The following DLGAP1 variants were observed in gnomAD, a reference collection of about 807,000 sequenced individuals.
The protein encoded by DLGAP1 is disks large-associated protein 1.
Under a neutral mutation model 90.8 loss-of-function variants are expected in DLGAP1, and 11 were observed. The ratio of observed to expected loss-of-function variants is 0.12; its 90% CI spans 0.08 to 0.20. The LOEUF is 0.20. DLGAP1 is among the 10% of genes least tolerant of loss of function. DLGAP1 has a pLI of 1.00. For synonymous variants in DLGAP1, 558 were observed against 540.7 expected (o/e 1.03, Z -0.44); for missense variants, 1,050 against 1,333.8 (o/e 0.79, Z 3.31).
intron 4 of DLGAP1, among the ~76,000 whole-genome samples, chr18:3,844,757 C>T (rs1390308386): frequency 2.0e-5 from 3 of 152,156 alleles, no homozygotes; most frequent in African/African-American, 7.2e-5. Flanking sequence ...ACTACCTTCT[C>T]TAGAATAACA....
At chr18:3,804,493 G>A (rs2066476212) in intron 5 of DLGAP1, among the ~76,000 whole-genome samples, 1 of 152,224 alleles carries the variant, frequency 6.6e-6, no homozygotes, top group African/African-American at 2.4e-5. Flanking sequence ...TTTTTAACAT[G>A]CTAATGTGTA....
chr18:4,322,049 A>G (rs1350044486), intron 1 of DLGAP1, among the ~76,000 whole-genome samples: 1 of 151,944 alleles, frequency 6.6e-6, no homozygotes, highest in Non-Finnish European at 1.5e-5. Flanking sequence ...AAAATACAAA[A>G]TTTATCCAGG....
intron 3 of DLGAP1, among the ~76,000 whole-genome samples, chr18:4,003,878 G>A (rs937519138): frequency 2.0e-5 from 3 of 152,198 alleles, no homozygotes; most frequent in African/African-American, 7.2e-5. Context: ...TCTAAGGAAG[G>A]AAGATGGTCA....
At chr18:3,883,943 C>T (rs1254326201) in intron 3 of DLGAP1, among the ~76,000 whole-genome samples, 2 of 152,182 alleles carry the variant, frequency 1.3e-5, no homozygotes, top group South Asian at 2.1e-4. Flanking sequence ...CTGCTGACTA[C>T]AGGATGCTTA....
chr18:4,175,841 A>G (rs2077098281), intron 1 of DLGAP1, among the ~76,000 whole-genome samples: 1 of 152,180 alleles, frequency 6.6e-6, no homozygotes, highest in South Asian at 2.1e-4. Context: ...CTTGTAGTAT[A>G]ATTTGAAGTC....
At chr18:3,678,861 T>C (rs2060406491) in intron 7 of DLGAP1, among the ~76,000 whole-genome samples, 1 of 152,250 alleles carries the variant, frequency 6.6e-6, no homozygotes, top group African/African-American at 2.4e-5. Flanking sequence ...GGGATGTTTA[T>C]ATGGCAAATG....
At chr18:4,154,329 G>A (rs545188213) in intron 1 of DLGAP1, among the ~76,000 whole-genome samples, 96 of 150,354 alleles carry the variant, frequency 6.4e-4, no homozygotes, top group Non-Finnish European at 5.6e-4. Flanking sequence ...CTTGGCCTCC[G>A]CCTTTTTTTT....
intron 1 of DLGAP1, among the ~76,000 whole-genome samples, chr18:4,345,111 T>C (rs1351266763): frequency 6.6e-6 from 1 of 152,134 alleles, no homozygotes; most frequent in East Asian, 1.9e-4. Flanking sequence ...CCAAGATAAG[T>C]CCGTGTCATG....
intron 1 of DLGAP1, among the ~76,000 whole-genome samples, chr18:4,337,854 T>C (rs2081106060): frequency 6.6e-6 from 1 of 152,224 alleles, no homozygotes; most frequent in Admixed American, 6.5e-5. Context: ...ATTTCAGCTA[T>C]TTCAGTGCTG....
At chr18:3,891,090 C>G (rs1379563132) in intron 3 of DLGAP1, among the ~76,000 whole-genome samples, 1 of 152,138 alleles carries the variant, frequency 6.6e-6, no homozygotes, top group Non-Finnish European at 1.5e-5. Context: ...AACATTACAC[C>G]TTCAACTTCC....
chr18:3,596,675 G>C, intron 7 of DLGAP1: 1 of 361,902 alleles, frequency 2.8e-6, no homozygotes, highest in Non-Finnish European at 5.4e-6. Context: ...CGTGGCTCAC[G>C]GTACTAGTGT....
chr18:3,873,461 A>AT (rs1338819772), intron 4 of DLGAP1, among the ~76,000 whole-genome samples: 1 of 152,190 alleles, frequency 6.6e-6, no homozygotes, highest in Admixed American at 6.5e-5. Flanking sequence ...GGTGGATGGG[A>AT]TTTCAGAAAA....
In DLGAP1 at chr18:3,823,730, A is replaced by AC. The variant is rs1431644565; in HGVS notation, c.958-9458dup. ...TTTGGGAGGCCGAGGCGGGCAGATC[A>AC]CCTGAGGTCAGGAGTTTGAGACCAG... On this transcript the variant is annotated intron_variant, in intron 4 of 12. Coordinates refer to ENST00000315677, the MANE Select transcript of DLGAP1 (RefSeq NM_004746.4). Among the ~76,000 whole-genome samples, 6 of 152,044 alleles carry AC rather than the reference A, an allele frequency of 3.9e-5. No individual in the cohort carries two copies. In the East Asian group the frequency reaches 1.2e-3, roughly 29 times the overall value.
At chr18:3,659,799 C>T (rs1213080252) in intron 7 of DLGAP1, among the ~76,000 whole-genome samples, 2 of 152,168 alleles carry the variant, frequency 1.3e-5, no homozygotes, top group Non-Finnish European at 2.9e-5. Context: ...CTCTTGACCT[C>T]ATGATCCGCC....
intron 1 of DLGAP1, among the ~76,000 whole-genome samples, chr18:4,376,543 C>T (rs2082017883): frequency 6.6e-6 from 1 of 152,152 alleles, no homozygotes; most frequent in Non-Finnish European, 1.5e-5. Context: ...TGGTGTTTAT[C>T]ATTTCTTAAG....
Position 3,907,961 on chromosome 18 carries a change from T to G in DLGAP1, c.-72-27821A>C, listed in dbSNP as rs57532289. On this transcript the variant is annotated intron_variant, in intron 3 of 12. Coordinates refer to ENST00000315677, the MANE Select transcript of DLGAP1 (RefSeq NM_004746.4). ...ACAATTCTGAGTTCTATGTGTTGAC[T>G]GTAATTGGAGCCTTAAGAGCTAGGT... is the stretch of plus-strand genomic sequence containing the variant. Among the ~76,000 whole-genome samples the G allele has an allele frequency of 2.3e-3, 354 of 152,344 alleles. 2 individuals are homozygous for G. Among genetic ancestry groups the G allele is most frequent in the African/African-American group, 8.0e-3 (332 of 41,574 alleles).
At chr18:3,750,923 G>C (rs556301319) in intron 5 of DLGAP1, among the ~76,000 whole-genome samples, 6 of 152,216 alleles carry the variant, frequency 3.9e-5, no homozygotes, top group Admixed American at 1.3e-4. Flanking sequence ...CCTTCAGAAG[G>C]CCTCCTTTGT....
intron 2 of DLGAP1, among the ~76,000 whole-genome samples, chr18:4,057,312 C>G (rs888891151): frequency 6.6e-6 from 1 of 152,140 alleles, no homozygotes; most frequent in African/African-American, 2.4e-5. Flanking sequence ...CATTAAGAGG[C>G]AAAATGGCAG....
chr18:4,283,378 A>G (rs2079601140), intron 1 of DLGAP1, among the ~76,000 whole-genome samples: 1 of 152,224 alleles, frequency 6.6e-6, no homozygotes, highest in Non-Finnish European at 1.5e-5. Context: ...TTTAGGCAAT[A>G]TTATGTAGCA....
Sources: gnomAD v4.1 joint callset for allele counts (sites outside exome capture counted in the v4.1 genomes callset) on GRCh38, gnomAD v4.1.1 for gene constraint, MANE v1.5 for transcripts, NCBI Gene and HGNC (gene_info 2026-07-23, HGNC 2026-07-21) for gene names.